Variants in CSMD1 observed in about 807,000 individuals in gnomAD.
The protein encoded by CSMD1 is CUB and sushi domain-containing protein 1.
Under a neutral mutation model 417.5 loss-of-function variants are expected in CSMD1, and 213 were observed. The ratio of observed to expected loss-of-function variants is 0.51; its 90% CI spans 0.46 to 0.57. The LOEUF is 0.57. Ranked by LOEUF, CSMD1 falls within the 20% of genes least tolerant of loss-of-function variation. The probability of loss-of-function intolerance (pLI) is 0.00; values close to 1 mark genes in which losing one functional copy is unlikely to be tolerated. For missense variants in CSMD1, 6,923 were observed against 4,529.7 expected (o/e 1.53, Z -15.17); for synonymous variants, 2,862 against 1,736.8 (o/e 1.65, Z -16.11).
intron 26 of CSMD1, among the ~76,000 whole-genome samples, chr8:3,279,602 C>G (rs902803642): frequency 2.0e-5 from 3 of 152,048 alleles, no homozygotes; most frequent in Non-Finnish European, 4.4e-5. Context: ...TTATATTAGT[C>G]TGCTCTCATG....
chr8:3,676,270 G>A (rs955130949), intron 7 of CSMD1, among the ~76,000 whole-genome samples: 1 of 152,082 alleles, frequency 6.6e-6, no homozygotes, highest in Admixed American at 6.6e-5. Context: ...CTGGCCCTAA[G>A]TATTTACCAA....
intron 1 of CSMD1, among the ~76,000 whole-genome samples, chr8:4,726,919 T>C (rs1005773997): frequency 6.6e-6 from 1 of 152,182 alleles, no homozygotes; most frequent in Non-Finnish European, 1.5e-5. Context: ...TAGCTTTTTA[T>C]GAATTTCTTC....
intron 5 of CSMD1, among the ~76,000 whole-genome samples, chr8:3,758,622 G>C (rs1039243338): frequency 1.3e-5 from 2 of 152,144 alleles, no homozygotes; most frequent in Admixed American, 1.3e-4. Context: ...GTACAAATTA[G>C]GTGAAATTGT....
intron 28 of CSMD1, among the ~76,000 whole-genome samples, chr8:3,219,955 A>T (rs1276036837): frequency 1.3e-5 from 2 of 152,090 alleles, no homozygotes; most frequent in Admixed American, 1.3e-4. Flanking sequence ...CTCCCAGCCT[A>T]GGTAACATAA....
intron 3 of CSMD1, among the ~76,000 whole-genome samples, chr8:4,091,498 G>A (rs1239801208): frequency 6.6e-6 from 1 of 152,164 alleles, no homozygotes; most frequent in Non-Finnish European, 1.5e-5. Flanking sequence ...TTACTTATAT[G>A]CTGCATTGCT....
At chr8:3,425,587 CAA>C (rs5888966) in intron 12 of CSMD1, among the ~76,000 whole-genome samples, 18 of 97,462 alleles carry the variant, frequency 1.8e-4, no homozygotes, top group East Asian at 3.2e-4. Context: ...GATTCGGTCT[CAA>C]AAAAAAAAAA....
At chr8:3,418,926 G>C (rs1333729392) in intron 12 of CSMD1, among the ~76,000 whole-genome samples, 1 of 152,186 alleles carries the variant, frequency 6.6e-6, no homozygotes, top group Admixed American at 6.5e-5. Context: ...CAGAATACAT[G>C]AAAGGTATGC....
At chr8:3,723,502 A>G (rs987441593) in intron 6 of CSMD1, among the ~76,000 whole-genome samples, 1 of 152,166 alleles carries the variant, frequency 6.6e-6, no homozygotes, top group Non-Finnish European at 1.5e-5. Context: ...TATTCCGAAA[A>G]TCATAGTTGG....
chr8:4,897,718 G>A lies in CSMD1; in HGVS notation c.85+96614C>T, dbSNP rs568099183. On this transcript the variant is annotated intron_variant, in intron 1 of 69. Transcript: ENST00000635120. ...TATTACTTAAATACATTCTATCTGCGTATTGAAGAATAAATTCTACTCATC... is the reference window on the plus strand; with the variant it reads ...TATTACTTAAATACATTCTATCTGCATATTGAAGAATAAATTCTACTCATC... Among the ~76,000 whole-genome samples the A allele has an allele frequency of 3.3e-5, 5 of 151,998 alleles. No individual in the cohort carries two copies. The East Asian group carries it at 5.8e-4, about 18-fold the overall frequency.
chr8:3,708,677 T>C (rs535394867), intron 6 of CSMD1, among the ~76,000 whole-genome samples, 186 bp from the exon 7 acceptor site: 1 of 152,150 alleles, frequency 6.6e-6, no homozygotes, highest in Non-Finnish European at 1.5e-5. Context: ...TGTGAGGCTA[T>C]CAAGCAGCAA....
intron 1 of CSMD1, among the ~76,000 whole-genome samples, chr8:4,844,907 G>A (rs538500590): frequency 1.3e-5 from 2 of 152,236 alleles, no homozygotes; most frequent in South Asian, 2.1e-4. Context: ...CAAGAGTATG[G>A]TTTTACTTAA....
At chr8:3,860,885 G>T (rs1585103398) in intron 5 of CSMD1, among the ~76,000 whole-genome samples, 1 of 152,082 alleles carries the variant, frequency 6.6e-6, no homozygotes, top group East Asian at 1.9e-4. Context: ...TTTAAGTTCA[G>T]GTTAGCACTA....
At chr8:4,933,221 G>A (rs1807369451) in intron 1 of CSMD1, among the ~76,000 whole-genome samples, 1 of 151,382 alleles carries the variant, frequency 6.6e-6, no homozygotes, top group Non-Finnish European at 1.5e-5. Context: ...TCTGAATCAT[G>A]TTTTCCCACT....
chr8:3,780,354 C>A (rs188438163), intron 5 of CSMD1, among the ~76,000 whole-genome samples: 1 of 152,304 alleles, frequency 6.6e-6, no homozygotes, highest in East Asian at 1.9e-4. Context: ...AATTTGGAAG[C>A]ATTGCAAACA....
At chr8:3,377,747 C>T (rs1028199686) in intron 18 of CSMD1, among the ~76,000 whole-genome samples, 3 of 152,160 alleles carry the variant, frequency 2.0e-5, no homozygotes, top group African/African-American at 4.8e-5. Context: ...CTACCCAAAA[C>T]GGAAACACCA....
At chr8:4,648,664 T>A (rs1304395086) in intron 1 of CSMD1, among the ~76,000 whole-genome samples, 4 of 152,202 alleles carry the variant, frequency 2.6e-5, no homozygotes, top group Non-Finnish European at 5.9e-5. Context: ...CAGACAACCA[T>A]GTTTCACCTT....
At chr8:3,142,439 T>A in intron 41 of CSMD1, 26 bp downstream of exon 41, 3 of 1,581,778 alleles carry the variant, frequency 1.9e-6, no homozygotes, top group Non-Finnish European at 2.6e-6. Context: ...TAGATTTGGG[T>A]TTCGGTTCTC....
intron 3 of CSMD1, among the ~76,000 whole-genome samples, chr8:4,408,806 T>C (rs796797035): frequency 2.0e-4 from 31 of 152,216 alleles, no homozygotes; most frequent in African/African-American, 7.0e-4. Context: ...AGAAAAAAAA[T>C]AGCACAATAA....
At chr8:4,716,749 G>A (rs1808684187) in intron 1 of CSMD1, among the ~76,000 whole-genome samples, 1 of 152,168 alleles carries the variant, frequency 6.6e-6, no homozygotes, top group African/African-American at 2.4e-5. Flanking sequence ...ACTAAAAACT[G>A]AGGTCTAAAT....
Sources: gnomAD v4.1 joint callset for allele counts (sites outside exome capture counted in the v4.1 genomes callset) on GRCh38, gnomAD v4.1.1 for gene constraint, MANE v1.5 for transcripts, NCBI Gene and HGNC (gene_info 2026-07-23, HGNC 2026-07-21) for gene names.